PTK2: variants seen among roughly 807,000 people sequenced by gnomAD.
The protein encoded by PTK2 is focal adhesion kinase 1.
PTK2 carries 45 observed loss-of-function variants against 150.1 expected under a neutral mutation model. The ratio of observed to expected loss-of-function variants is 0.30; its 90% CI spans 0.24 to 0.38. The LOEUF (loss-of-function observed/expected upper bound fraction) is 0.38. Among genes scored for constraint, PTK2 ranks in the 10% least tolerant of loss-of-function variants. The pLI is 1.00. For synonymous variants in PTK2, 432 were observed against 449.2 expected, an observed-to-expected ratio of 0.96 and a Z score of 0.48; for missense variants, 919 against 1,307.3, an observed-to-expected ratio of 0.70 and a Z score of 4.58.
At chr8:140,839,871 C>G (rs2100121252) in intron 7 of PTK2, among the ~76,000 whole-genome samples, 1 of 151,836 alleles carries the variant, frequency 6.6e-6, no homozygotes, top group Non-Finnish European at 1.5e-5. Context: ...AATCGAAGCA[C>G]AAGACATGAA....
At chr8:140,872,753 C>G (rs1409300926) in intron 4 of PTK2, among the ~76,000 whole-genome samples, 1 of 152,200 alleles carries the variant, frequency 6.6e-6, no homozygotes, top group Non-Finnish European at 1.5e-5. Context: ...TCCATATGGT[C>G]TTAACATGTG....
At chr8:140,833,052 GA>G (rs2100116458) in intron 7 of PTK2, 1 of 518,662 alleles carries the variant, frequency 1.9e-6, no homozygotes, top group Admixed American at 1.9e-5. Context: ...TCACAAATAA[GA>G]AAGTTAAAGA....
chr8:140,696,109 T>C (rs1357850393), intron 26 of PTK2, among the ~76,000 whole-genome samples: 1 of 152,164 alleles, frequency 6.6e-6, no homozygotes, highest in Admixed American at 6.5e-5. Flanking sequence ...TTCATTCGCT[T>C]AATAAATGCT....
intron 23 of PTK2, among the ~76,000 whole-genome samples, chr8:140,711,469 T>A (rs1460840419): frequency 1.3e-5 from 2 of 152,186 alleles, no homozygotes; most frequent in Non-Finnish European, 2.9e-5. Context: ...AACAATAAAA[T>A]CCCTGTCACT....
chr8:140,742,615 A>G (rs530022111), intron 20 of PTK2, among the ~76,000 whole-genome samples: 8 of 152,362 alleles, frequency 5.3e-5, no homozygotes, highest in Non-Finnish European at 1.2e-4. Flanking sequence ...GATGTGGAAC[A>G]TCTGCATCTT....
At chr8:140,817,725 A>G (rs1286107168) in intron 10 of PTK2, among the ~76,000 whole-genome samples, 1 of 152,186 alleles carries the variant, frequency 6.6e-6, no homozygotes, top group African/African-American at 2.4e-5. Flanking sequence ...CAGGTTCTCA[A>G]TAATACTTGT....
rs746075032 is a variant in PTK2, at chr8:140,794,517, T to C, written c.1094-1133A>G. ...CCCCCCCACCCCCATACACGGAAAA[T>C]ACTTTTTGAACATCTCCAATGACAT... On this transcript the variant is annotated intron_variant, in intron 12 of 31. Coordinates refer to ENST00000522684, the Ensembl canonical transcript of PTK2. Among the ~76,000 whole-genome samples, 8 of 151,502 alleles carry C rather than the reference T, an allele frequency of 5.3e-5. 1 individual carries two copies. The highest frequency in any genetic ancestry group is 2.0e-4 in the Admixed American group (3 of 15,176).
chr8:140,765,635 T>C (rs1381997172), intron 14 of PTK2, among the ~76,000 whole-genome samples: 1 of 152,192 alleles, frequency 6.6e-6, no homozygotes, highest in African/African-American at 2.4e-5. Flanking sequence ...TTAAAAAAGT[T>C]TTAATAGACT....
chr8:140,829,327 A>C (rs576753042), intron 8 of PTK2, among the ~76,000 whole-genome samples: 21 of 152,336 alleles, frequency 1.4e-4, no homozygotes, highest in African/African-American at 4.3e-4. Flanking sequence ...ACTAATCCTT[A>C]CAGTCCTATT....
At chr8:140,812,061 G>A (rs1207175426) in intron 10 of PTK2, among the ~76,000 whole-genome samples, 4 of 152,048 alleles carry the variant, frequency 2.6e-5, no homozygotes, top group Non-Finnish European at 5.9e-5. Flanking sequence ...AGGAAAGGCA[G>A]AGTAAGATAC....
chr8:140,676,188 C>A (rs1246805783), intron 27 of PTK2, among the ~76,000 whole-genome samples: 1 of 151,934 alleles, frequency 6.6e-6, no homozygotes, highest in South Asian at 2.1e-4. Context: ...CCAGCCTGGC[C>A]AACATGGCAA....
rs958356994 is a variant in PTK2 at position 140,697,861 on chromosome 8, T to G, written c.2499+3030A>C. On this transcript the variant is annotated intron_variant, in intron 26 of 31. Transcript: ENST00000522684. ...CCCTTTAGGGTTTACTGTTTTTTTT[T>G]TTTTTTTTTTTTTTTTTTTTGCCAC... is the stretch of plus-strand genomic sequence containing the variant. Among the ~76,000 whole-genome samples the G allele has an allele frequency of 5.3e-5, 7 of 132,910 alleles. No individual in the cohort carries two copies. The South Asian group carries it at 1.1e-3, about 20-fold the overall frequency. The allele number at this position is 132,910 out of a possible 152,430, so 87.2% of individuals were successfully genotyped here. A position where few individuals can be genotyped will look rare whatever the true frequency, so the allele number is the denominator to read the frequency against.
At chr8:140,789,089 A>C (rs1409844245) in intron 14 of PTK2, among the ~76,000 whole-genome samples, 1 of 152,238 alleles carries the variant, frequency 6.6e-6, no homozygotes, top group Non-Finnish European at 1.5e-5. Context: ...AAAGACAAAA[A>C]TTGTTTTAAA....
intron 4 of PTK2, among the ~76,000 whole-genome samples, chr8:140,873,891 A>T (rs1200490454): frequency 6.6e-6 from 1 of 152,218 alleles, no homozygotes; most frequent in Non-Finnish European, 1.5e-5. Flanking sequence ...GGAATGTCCT[A>T]ATCTTAGTAC....
At chr8:140,858,914 T>C (rs2100134443) in intron 5 of PTK2, among the ~76,000 whole-genome samples, 1 of 152,172 alleles carries the variant, frequency 6.6e-6, no homozygotes, top group South Asian at 2.1e-4. Context: ...GCAAAATTAT[T>C]TTCAAAATGA....
chr8:140,983,807 T>C (rs1298853769), intron 1 of PTK2: 1 of 152,196 alleles, frequency 6.6e-6, no homozygotes, highest in Non-Finnish European at 1.5e-5. Context: ...ACTGGCAAAC[T>C]TTTAATGTAA....
rs143535368 is a variant in PTK2, at chr8:140,955,924, C to T, written c.-121-30175G>A. ...GCCTCAACACCATGCCTTCGTGGGA[C>T]TCCCCAACCATGACAGAAGACTGGG... On this transcript the variant is annotated intron_variant, in intron 1 of 31. Coordinates refer to ENST00000522684, the Ensembl canonical transcript of PTK2. Among the ~76,000 whole-genome samples, 891 of 152,286 alleles carry T rather than the reference C, an allele frequency of 5.9e-3. 14 individuals carry two copies. Among genetic ancestry groups the T allele is most frequent in the African/African-American group, 0.02 (815 of 41,542 alleles).
At chr8:140,896,524 A>T (rs1025709774) in intron 2 of PTK2, among the ~76,000 whole-genome samples, 4 of 152,244 alleles carry the variant, frequency 2.6e-5, no homozygotes, top group African/African-American at 9.6e-5. Flanking sequence ...AAGAAGAGCC[A>T]GCTACCTCGA....
At chr8:140,676,781 A>AAAAAAAAAT (rs2100014086) in intron 27 of PTK2, among the ~76,000 whole-genome samples, 1 of 145,412 alleles carries the variant, frequency 6.9e-6, no homozygotes, top group Non-Finnish European at 1.5e-5. Context: ...AAAAAAAAAA[A>AAAAAAAAAT]AAAAAAAATA....
Sources: allele counts gnomAD v4.1 joint callset (sites outside exome capture counted in the v4.1 genomes callset), GRCh38; gene constraint gnomAD v4.1.1; transcripts MANE v1.5; gene names NCBI Gene and HGNC (gene_info 2026-07-23, HGNC 2026-07-21).